The following MSN variants were observed in gnomAD, a reference collection of about 807,000 sequenced individuals.
MSN encodes epididymis luminal protein 70.
In MSN, 2 loss-of-function variants were observed where a neutral mutation model predicts 48.0. That is an observed-to-expected ratio of 0.04 (90% confidence interval 0.02 to 0.13). The LOEUF (loss-of-function observed/expected upper bound fraction) is 0.13, where lower values mean the gene tolerates loss of function less well. Ranked by LOEUF, MSN falls within the 10% of genes least tolerant of loss-of-function variation. The pLI is 1.00. For missense variants in MSN, 267 were observed against 470.1 expected (o/e 0.57, Z 3.99); for synonymous variants, 146 against 166.9 (o/e 0.87, Z 0.97).
At position 65,623,368 on chromosome X, in the gene MSN, CT is replaced by C. The variant is rs773663630; in HGVS notation, c.-22+34772del. On this transcript the variant is annotated intron_variant, in intron 1 of 3. Transcript: ENST00000609672. ...TTTCTTTCTTTTTTTTCTTTCTTTT[CT>C]TTTTTTTTTTTTTTTACATTGTATG... Among the ~76,000 whole-genome samples, 657 of 74,071 alleles carry C rather than the reference CT, an allele frequency of 8.9e-3. 18 individuals are homozygous for C. The highest frequency in any genetic ancestry group is 0.024 in the African/African-American group (496 of 21,057). The allele number at this position is 74,071 out of a possible 115,157, so 64.3% of individuals were successfully genotyped here.
chrX:65,620,549 G>A (rs963144301), intron 1 of MSN, among the ~76,000 whole-genome samples: 1 of 113,487 alleles, frequency 8.8e-6, no homozygotes, highest in African/African-American at 3.2e-5. Flanking sequence ...GTGAGGCAAT[G>A]CCTCGTCCTG....
intron 1 of MSN, among the ~76,000 whole-genome samples, chrX:65,708,985 G>T (rs757394914): frequency 2.0e-4 from 22 of 112,120 alleles, no homozygotes; most frequent in Non-Finnish European, 3.2e-4. Flanking sequence ...GCCTGGCCAG[G>T]ATTTCATTTT....
At chrX:65,659,381 T>C (rs1226127688) in intron 1 of MSN, among the ~76,000 whole-genome samples, 2 of 111,875 alleles carry the variant, frequency 1.8e-5, no homozygotes, top group East Asian at 5.6e-4. Context: ...CTCAAACTCC[T>C]GGCCTCAAGT....
At chrX:65,664,701 C>T (rs1451393724), upstream of MSN, among the ~76,000 whole-genome samples, 1 of 105,262 alleles carries the variant, frequency 9.5e-6, no homozygotes, top group Non-Finnish European at 1.9e-5. Flanking sequence ...TTTCTTAGCT[C>T]CCCGAGCCTC....
chrX:65,687,285 T>C (rs1424784889), intron 1 of MSN, among the ~76,000 whole-genome samples: 1 of 111,285 alleles, frequency 9.0e-6, no homozygotes, highest in Non-Finnish European at 1.9e-5. Context: ...GAGGCAGAGG[T>C]TGCAGTGAGC....
chrX:65,622,699 T>A (rs1010877661), intron 1 of MSN, among the ~76,000 whole-genome samples: 4 of 109,405 alleles, frequency 3.7e-5, no homozygotes, highest in Admixed American at 3.0e-4. Context: ...GTATTTTTAG[T>A]AGAGACAGGG....
chrX:65,671,341 G>A (rs1227785827), intron 1 of MSN, among the ~76,000 whole-genome samples: 1 of 110,830 alleles, frequency 9.0e-6, no homozygotes, highest in African/African-American at 3.3e-5. Context: ...AGGCAATCGA[G>A]TGGTCATTTG....
chrX:65,598,144 G>A (rs2148349852), intron 1 of MSN, among the ~76,000 whole-genome samples: 1 of 111,122 alleles, frequency 9.0e-6, no homozygotes, highest in East Asian at 2.8e-4. Context: ...AGATTCTGAG[G>A]TTGAAGTTCA....
At chrX:65,645,276 C>G (rs2070686991) in intron 1 of MSN, among the ~76,000 whole-genome samples, 1 of 111,870 alleles carries the variant, frequency 8.9e-6, no homozygotes. Context: ...CAATGCATCC[C>G]TCAAGGTCTC....
chrX:65,678,884 T>C (rs2071028036), intron 1 of MSN, among the ~76,000 whole-genome samples: 1 of 112,173 alleles, frequency 8.9e-6, no homozygotes, highest in Non-Finnish European at 1.9e-5. Context: ...TTCTGATTAT[T>C]TGTGCCCAGT....
intron 2 of MSN, among the ~76,000 whole-genome samples, chrX:65,722,404 C>CGTGT (rs55900091): frequency 0.024 from 2,296 of 94,664 alleles, 84 homozygotes; most frequent in African/African-American, 0.083. Context: ...CGTGCACGCT[C>CGTGT]GTGTGTGTGT....
chrX:65,633,238 C>T (rs889538654), intron 1 of MSN, among the ~76,000 whole-genome samples: 1 of 111,282 alleles, frequency 9.0e-6, no homozygotes, highest in Non-Finnish European at 1.9e-5. Context: ...GATATCTGAC[C>T]GAGGTGGAGA....
chrX:65,713,827 C>T (rs1325918498), intron 1 of MSN, among the ~76,000 whole-genome samples: 6 of 111,631 alleles, frequency 5.4e-5, no homozygotes, highest in Non-Finnish European at 1.1e-4. Flanking sequence ...CATTTAATTC[C>T]CACTTATAAG....
intron 1 of MSN, among the ~76,000 whole-genome samples, chrX:65,691,242 T>C (rs1271525374): frequency 1.8e-5 from 2 of 111,267 alleles, no homozygotes; most frequent in Admixed American, 1.9e-4. Flanking sequence ...ACCCCACACT[T>C]TGCAGGGGTT....
At chrX:65,592,506 C>G (rs764654947) in intron 1 of MSN, among the ~76,000 whole-genome samples, 1 of 109,864 alleles carries the variant, frequency 9.1e-6, no homozygotes, top group South Asian at 4.0e-4. Flanking sequence ...TCTCTTCATC[C>G]CATTTTATCC....
intron 1 of MSN, among the ~76,000 whole-genome samples, chrX:65,628,028 C>T (rs934415891): frequency 1.5e-4 from 17 of 112,744 alleles, no homozygotes; most frequent in Admixed American, 9.4e-4. Context: ...GAGATGGGTT[C>T]CCATGGTTTT....
chrX:65,653,658 T>C (rs757208903), intron 1 of MSN, among the ~76,000 whole-genome samples: 16 of 109,314 alleles, frequency 1.5e-4, no homozygotes, highest in African/African-American at 5.3e-4. Context: ...ATGTTATCCA[T>C]GTGTATGGAT....
intron 1 of MSN, among the ~76,000 whole-genome samples, chrX:65,595,920 C>A (rs948347489): frequency 1.8e-5 from 2 of 111,557 alleles, no homozygotes; most frequent in African/African-American, 6.5e-5. Flanking sequence ...GCATCTAACC[C>A]AAATGCCTCA....
At chrX:65,596,831 C>T (rs1429778594) in intron 1 of MSN, among the ~76,000 whole-genome samples, 2 of 40,309 alleles carry the variant, frequency 5.0e-5, no homozygotes. Flanking sequence ...CAGTGTCCCT[C>T]AAATGCCTGA....
Sources: gnomAD v4.1 joint callset for allele counts (sites outside exome capture counted in the v4.1 genomes callset) on GRCh38, gnomAD v4.1.1 for gene constraint, MANE v1.5 for transcripts, NCBI Gene and HGNC (gene_info 2026-07-23, HGNC 2026-07-21) for gene names.